Variants in PRKCI observed in about 807,000 individuals in gnomAD.
PRKCI encodes protein kinase C iota type.
PRKCI carries 43 observed loss-of-function variants against 84.0 expected under a neutral mutation model. The ratio of observed to expected loss-of-function variants is 0.51; its 90% confidence interval spans 0.40 to 0.66. The LOEUF is 0.66. Ranked by LOEUF, PRKCI falls within the 30% of genes least tolerant of loss-of-function variation. The pLI, the probability that PRKCI is intolerant of heterozygous loss-of-function variation, is 0.00. For missense variants in PRKCI, 459 were observed against 745.6 expected (o/e 0.62, Z 4.48); for synonymous variants, 216 against 234.4 (o/e 0.92, Z 0.72).
intron 11 of PRKCI, among the ~76,000 whole-genome samples, chr3:170,282,194 T>C (rs1052574722): frequency 2.6e-5 from 4 of 152,212 alleles, no homozygotes; most frequent in African/African-American, 9.6e-5. Flanking sequence ...CACACAGTGC[T>C]TCCTAAGCAA....
chr3:170,252,578 T>C (rs1484933234), intron 2 of PRKCI, among the ~76,000 whole-genome samples: 1 of 149,184 alleles, frequency 6.7e-6, no homozygotes, highest in African/African-American at 2.6e-5. Context: ...GTACTAGATC[T>C]TTTTTTTCTT....
chr3:170,267,675 C>CAAAA (rs1169448041), intron 4 of PRKCI, among the ~76,000 whole-genome samples: 4 of 52,954 alleles, frequency 7.6e-5, no homozygotes, highest in African/African-American at 1.3e-4. Flanking sequence ...TCCATCTCAC[C>CAAAA]AAAAAAAAAA....
chr3:170,298,598 G>A (rs890102403), intron 16 of PRKCI, among the ~76,000 whole-genome samples: 2 of 152,022 alleles, frequency 1.3e-5, no homozygotes, highest in Admixed American at 6.6e-5. Context: ...TAGAGACGGG[G>A]TTTAGCTATG....
rs763072369 is a variant in PRKCI at position 170,273,338 on chromosome 3, C to G, written c.644C>G (p.Thr215Arg). 18 of 1,613,260 alleles carry G rather than the reference C, an allele frequency of 1.1e-5. No individual in the cohort carries two copies. The highest frequency in any genetic ancestry group is 1.6e-4 in the Middle Eastern group (1 of 6,068). ...QSSMHSDHAQ[T>R]VIPYNPSSHE... Reference sequence around the variant, plus strand: ...TCCATGCATTCTGACCATGCACAGACAGGTAAGAGTGGTGCTGGCACAACC... The same window carrying G: ...TCCATGCATTCTGACCATGCACAGAGAGGTAAGAGTGGTGCTGGCACAACC... The change falls in exon 7 of 18, where the codon ACA (threonine) becomes AGA (arginine). Residue 215 changes from threonine (T) to arginine (R), a missense_variant and splice_region_variant. This residue lies in a region of PRKCI where 250 missense variants were observed against 319.7 expected (regional missense o/e 0.78). Coordinates refer to ENST00000295797, the MANE Select transcript of PRKCI (RefSeq NM_002740.6).
At chr3:170,242,326 C>T (rs142112366) in intron 2 of PRKCI, among the ~76,000 whole-genome samples, 139 of 151,982 alleles carry the variant, frequency 9.1e-4, no homozygotes, top group African/African-American at 2.8e-3. Context: ...CCTGTAATTC[C>T]AGCACTTTGG....
intron 8 of PRKCI, among the ~76,000 whole-genome samples, chr3:170,276,470 TA>T (rs753555851): frequency 2.6e-5 from 4 of 151,894 alleles, no homozygotes; most frequent in Non-Finnish European, 5.9e-5. Flanking sequence ...TTTTTCTTTT[TA>T]TTTTTTTTGT....
In PRKCI at chr3:170,248,625, C is replaced by T. The variant is rs531813777; in HGVS notation, c.224-11344C>T. Among the ~76,000 whole-genome samples the T allele has an allele frequency of 1.2e-3, 186 of 152,262 alleles. 2 individuals are homozygous for T. The highest frequency in any genetic ancestry group is 3.8e-3 in the African/African-American group (157 of 41,550). On this transcript the variant is annotated intron_variant, in intron 2 of 17. Coordinates refer to ENST00000295797, the MANE Select transcript of PRKCI (RefSeq NM_002740.6). The stretch of plus-strand genomic sequence containing the variant: ...TTGGCCGAAACAGGTAATACTTGAA[C>T]ATTCAGTCCAAGAAAAACAAAATGG...
At chr3:170,262,546 T>G (rs1168057645) in intron 3 of PRKCI, among the ~76,000 whole-genome samples, 2 of 152,210 alleles carry the variant, frequency 1.3e-5, no homozygotes, top group African/African-American at 4.8e-5. Flanking sequence ...AGTGGCATGA[T>G]CTCAGCTTAC....
Position 170,281,274 on chromosome 3 carries a change from A to G in PRKCI, c.980+11A>G. 1.2e-6 allele frequency: 2 copies of G among 1,606,174 alleles called. No individual in the cohort carries two copies. The highest frequency in any genetic ancestry group is 1.7e-6 in the Non-Finnish European group (2 of 1,173,048). ...TCAGACAGAAAGCAGGTAAGATTGA[A>G]AGATAGTAGAATGATTACTGGGCTT... On this transcript the variant is annotated intron_variant, in intron 10 of 17. Transcript: ENST00000295797.
chr3:170,299,197 A>T (rs79501705), intron 17 of PRKCI, 87 bp downstream of exon 17: 8,767 of 599,320 alleles, frequency 0.015, 353 homozygotes, highest in South Asian at 0.12. Flanking sequence ...TTATCAGATT[A>T]TACTATAATT....
intron 8 of PRKCI, 186 bp from the exon 9 acceptor site, chr3:170,280,041 C>T: frequency 2.2e-6 from 1 of 454,172 alleles, no homozygotes; most frequent in Non-Finnish European, 3.7e-6. Flanking sequence ...TCTCAAAATT[C>T]ATCCATATAA....
intron 14 of PRKCI, among the ~76,000 whole-genome samples, chr3:170,294,531 G>C (rs1185488697): frequency 6.6e-6 from 1 of 152,186 alleles, no homozygotes; most frequent in African/African-American, 2.4e-5. Flanking sequence ...TACCAGTGCT[G>C]GTGAGGATGT....
At chr3:170,268,937 CAG>C (rs1245725106) in intron 5 of PRKCI, among the ~76,000 whole-genome samples, 2 of 152,066 alleles carry the variant, frequency 1.3e-5, no homozygotes, top group Admixed American at 1.3e-4. Context: ...ATTTTAAAGA[CAG>C]AGTCCCGCTC....
intron 13 of PRKCI, 93 bp downstream of exon 13, chr3:170,292,034 A>T: frequency 1.2e-6 from 1 of 859,328 alleles, no homozygotes; most frequent in South Asian, 1.4e-5. Context: ...ATGCATTTTG[A>T]CGTGATCTTA....
intron 1 of PRKCI, among the ~76,000 whole-genome samples, chr3:170,224,138 T>C (rs538749275): frequency 1.5e-4 from 22 of 144,136 alleles, no homozygotes; most frequent in Non-Finnish European, 3.2e-4. Flanking sequence ...CATTGTTCAA[T>C]TCCCATCTGT....
Position 170,234,851 on chromosome 3 carries a change from G to A in PRKCI, c.102-379G>A, listed in dbSNP as rs535451640. Among the ~76,000 whole-genome samples, 10 of 152,050 alleles carry A rather than the reference G, an allele frequency of 6.6e-5. No homozygotes were observed. In the East Asian group the frequency reaches 1.9e-3, roughly 29 times the overall value. ...CACAGTCTCCTCTGTTGCCCAGGCT[G>A]GAGTGCAGTGATGTGATCTCAGCTC... On this transcript the variant is annotated intron_variant, in intron 1 of 17. Coordinates refer to ENST00000295797, the MANE Select transcript of PRKCI (RefSeq NM_002740.6).
At chr3:170,286,672 G>A (rs76366623) in intron 12 of PRKCI, among the ~76,000 whole-genome samples, 7,150 of 151,702 alleles carry the variant, frequency 0.047, 552 homozygotes, top group African/African-American at 0.16. Context: ...TCTTTGATCC[G>A]GTAATTCTGC....
intron 11 of PRKCI, among the ~76,000 whole-genome samples, chr3:170,282,995 C>T (rs1195367227): frequency 6.6e-6 from 1 of 151,036 alleles, no homozygotes; most frequent in Admixed American, 6.6e-5. Flanking sequence ...GTCCCAACTA[C>T]TTGGGAGGCT....
intron 2 of PRKCI, among the ~76,000 whole-genome samples, chr3:170,247,784 G>T (rs1237825716): frequency 6.7e-6 from 1 of 149,866 alleles, no homozygotes; most frequent in Non-Finnish European, 1.5e-5. Flanking sequence ...GGCTTCATGG[G>T]ATGGCATGTA....
Sources: gnomAD v4.1 joint callset for allele counts (sites outside exome capture counted in the v4.1 genomes callset) on GRCh38, gnomAD v4.1.1 for gene constraint, gnomAD v4.1.1 regional missense constraint, MANE v1.5 for transcripts, NCBI Gene and HGNC (gene_info 2026-07-23, HGNC 2026-07-21) for gene names.